RHBDL2: variants seen among roughly 807,000 people sequenced by gnomAD.
RHBDL2 encodes rhomboid-related protein 2.
Under a neutral mutation model 31.7 loss-of-function variants are expected in RHBDL2, and 26 were observed. That is an observed-to-expected ratio of 0.82 (90% CI 0.60 to 1.14). RHBDL2 has a LOEUF of 1.14. Among genes scored for constraint, RHBDL2 ranks in the 50% most tolerant of loss-of-function variants. The probability of loss-of-function intolerance (pLI) is 0.00; values close to 1 mark genes in which losing one functional copy is unlikely to be tolerated. For synonymous variants in RHBDL2, 123 were observed against 127.2 expected (o/e 0.97, Z 0.22); for missense variants, 336 against 364.4 (o/e 0.92, Z 0.63).
At chr1:38,904,501 T>C (rs1377182218) in intron 4 of RHBDL2, among the ~76,000 whole-genome samples, 1 of 150,984 alleles carries the variant, frequency 6.6e-6, no homozygotes, top group Non-Finnish European at 1.5e-5. Flanking sequence ...AATTATTTGA[T>C]ATGACACTAA....
intron 6 of RHBDL2, among the ~76,000 whole-genome samples, chr1:38,889,007 G>C (rs761362220): frequency 7.9e-5 from 12 of 152,142 alleles, no homozygotes; most frequent in Admixed American, 2.6e-4. Context: ...ATTATGTAGG[G>C]TCTATATGGG....
intron 6 of RHBDL2, among the ~76,000 whole-genome samples, chr1:38,888,387 A>G (rs1042392401): frequency 6.6e-6 from 1 of 152,184 alleles, no homozygotes; most frequent in African/African-American, 2.4e-5. Flanking sequence ...GCAAACAAAT[A>G]AGTAAAACAT....
intron 4 of RHBDL2, among the ~76,000 whole-genome samples, chr1:38,908,344 C>A (rs1643094736): frequency 6.6e-6 from 1 of 151,642 alleles, no homozygotes; most frequent in African/African-American, 2.4e-5. Context: ...GAAACCCTGT[C>A]TCTACTAAAA....
At chr1:38,890,363 A>G (rs72658083) in intron 6 of RHBDL2, among the ~76,000 whole-genome samples, 2,405 of 152,306 alleles carry the variant, frequency 0.016, 57 homozygotes, top group African/African-American at 0.048. Flanking sequence ...CACATAAATA[A>G]CATGCCCATG....
rs191081367 is a variant in RHBDL2 at position 38,923,207 on chromosome 1, T to C, written c.-125-3870A>G. On this transcript the variant is annotated intron_variant, in intron 1 of 7. Coordinates refer to ENST00000372990, the MANE Select transcript of RHBDL2 (RefSeq NM_017821.5). ...TTTTGGAAAGCAATTGGCCAATGTG[T>C]ATAAACTATTAAAAGCATATACCTT... Among the ~76,000 whole-genome samples the C allele has an allele frequency of 7.2e-5, 11 of 152,336 alleles. No individual in the cohort carries two copies. The East Asian group carries it at 2.1e-3, about 29-fold the overall frequency.
At chr1:38,908,376 G>A (rs1643095248) in intron 4 of RHBDL2, among the ~76,000 whole-genome samples, 1 of 151,976 alleles carries the variant, frequency 6.6e-6, no homozygotes, top group East Asian at 1.9e-4. Context: ...GCCGGGTGTG[G>A]TGGTGCCCAC....
intron 4 of RHBDL2, among the ~76,000 whole-genome samples, chr1:38,904,492 AT>A (rs1211690479): frequency 1.4e-5 from 2 of 147,436 alleles, no homozygotes; most frequent in Non-Finnish European, 3.0e-5. Context: ...GAAAAAAAAA[AT>A]TATTTGATAT....
chr1:38,917,210 G>C (rs953165736), intron 2 of RHBDL2, among the ~76,000 whole-genome samples: 7 of 151,502 alleles, frequency 4.6e-5, no homozygotes, highest in Non-Finnish European at 1.5e-5. Context: ...GTAGAGACAG[G>C]GTTTCACCGT....
At chr1:38,909,177 T>G (rs1408040258) in intron 4 of RHBDL2, among the ~76,000 whole-genome samples, 1 of 152,012 alleles carries the variant, frequency 6.6e-6, no homozygotes, top group East Asian at 1.9e-4. Context: ...GATGGGGGCG[T>G]GGCAAGTCAG....
At chr1:38,886,724 A>G (rs966931675) in intron 7 of RHBDL2, 41 bp from the exon 8 acceptor site, 3 of 1,442,824 alleles carry the variant, frequency 2.1e-6, no homozygotes, top group Non-Finnish European at 2.8e-6. Flanking sequence ...AGTGAAGACA[A>G]TGCTAATTGT....
chr1:38,934,134 G>A (rs1238182766), intron 1 of RHBDL2, among the ~76,000 whole-genome samples: 2 of 138,398 alleles, frequency 1.4e-5, no homozygotes, highest in African/African-American at 5.2e-5. Context: ...GATCATTTGA[G>A]GCCAGGAGTT....
At chr1:38,889,998 A>G (rs957466834) in intron 6 of RHBDL2, among the ~76,000 whole-genome samples, 4 of 151,816 alleles carry the variant, frequency 2.6e-5, no homozygotes, top group East Asian at 1.9e-4. Flanking sequence ...GTAAATGACT[A>G]TTACACAAAG....
chr1:38,921,164 T>G (rs1035091150), intron 1 of RHBDL2, among the ~76,000 whole-genome samples: 5 of 152,164 alleles, frequency 3.3e-5, no homozygotes, highest in African/African-American at 1.2e-4. Context: ...ATCCCATCAC[T>G]TGAGGTCAGG....
chr1:38,923,160 T>C (rs1035308635), intron 1 of RHBDL2, among the ~76,000 whole-genome samples: 1 of 152,024 alleles, frequency 6.6e-6, no homozygotes, highest in African/African-American at 2.4e-5. Flanking sequence ...GTGCAATGTA[T>C]GAGGTATAAA....
At position 38,899,490 on chromosome 1, in the gene RHBDL2, C is replaced by G. The variant is rs556150386; in HGVS notation, c.509-3421G>C. On this transcript the variant is annotated intron_variant, in intron 4 of 7. Transcript: ENST00000372990. ...CCAAGAGTGCTCAGCCTTCACTGTC[C>G]TCCCTAACAGGCATGTGGGGCATGG... Among the ~76,000 whole-genome samples, 3 of 152,336 alleles carry G rather than the reference C, an allele frequency of 2.0e-5. No homozygotes were observed. The South Asian group carries it at 6.2e-4, about 32-fold the overall frequency.
intron 1 of RHBDL2, among the ~76,000 whole-genome samples, chr1:38,938,415 C>T (rs1215448986): frequency 6.6e-6 from 1 of 151,978 alleles, no homozygotes; most frequent in African/African-American, 2.4e-5. Flanking sequence ...TATTTATCCA[C>T]CTTCATTTCT....
At chr1:38,903,430 A>C (rs1031716623) in intron 4 of RHBDL2, among the ~76,000 whole-genome samples, 2 of 151,928 alleles carry the variant, frequency 1.3e-5, no homozygotes, top group African/African-American at 4.8e-5. Context: ...ATGAGCTACC[A>C]CCCCCGGCCG....
In RHBDL2 at chr1:38,924,767, A is replaced by T. The variant is rs183838555; in HGVS notation, c.-125-5430T>A. ...ACCTTAAAAAAAAAATCTGTTGAAAAGAGATTTCTTTTTTCTTTTTTTTTT... is the reference window on the plus strand; with the variant it reads ...ACCTTAAAAAAAAAATCTGTTGAAATGAGATTTCTTTTTTCTTTTTTTTTT... On this transcript the variant is annotated intron_variant, in intron 1 of 7. Coordinates refer to ENST00000372990, the MANE Select transcript of RHBDL2 (RefSeq NM_017821.5). Among the ~76,000 whole-genome samples, 446 of 150,764 alleles carry T rather than the reference A, an allele frequency of 3.0e-3. 2 individuals carry two copies. Among genetic ancestry groups the T allele is most frequent in the Non-Finnish European group, 3.1e-3 (208 of 67,848 alleles).
intron 3 of RHBDL2, among the ~76,000 whole-genome samples, chr1:38,912,910 A>ATGTGTG (rs869081947): frequency 2.4e-4 from 10 of 41,362 alleles, no homozygotes; most frequent in African/African-American, 6.4e-4. Context: ...ATATATATAT[A>ATGTGTG]TGTGTGTGTG....
Sources: gnomAD v4.1 joint callset for allele counts (sites outside exome capture counted in the v4.1 genomes callset) on GRCh38, gnomAD v4.1.1 for gene constraint, MANE v1.5 for transcripts, NCBI Gene and HGNC (gene_info 2026-07-23, HGNC 2026-07-21) for gene names.